Variants in NTM observed in about 807,000 individuals in gnomAD.
The protein encoded by NTM is neurotrimin.
A neutral mutation model predicts 42.1 loss-of-function variants in NTM; 13 were observed. That is an observed-to-expected ratio of 0.31 (90% CI 0.20 to 0.49). The LOEUF is 0.49. Ranked by LOEUF, NTM falls within the 20% of genes least tolerant of loss-of-function variation. NTM has a pLI of 0.99. For synonymous variants in NTM, 187 were observed against 179.2 expected, an observed-to-expected ratio of 1.04 and a Z score of -0.35; for missense variants, 373 against 452.8, an observed-to-expected ratio of 0.82 and a Z score of 1.60.
intron 1 of NTM, among the ~76,000 whole-genome samples, chr11:131,812,574 T>A (rs1239142930): frequency 6.6e-6 from 1 of 152,012 alleles, no homozygotes; most frequent in Non-Finnish European, 1.5e-5. Context: ...CCAAATGAGC[T>A]ACTAGGGATG....
At chr11:131,403,100 T>A (rs1945421271) in intron 1 of NTM, among the ~76,000 whole-genome samples, 1 of 152,172 alleles carries the variant, frequency 6.6e-6, no homozygotes, top group African/African-American at 2.4e-5. Context: ...ATTCTGAGAT[T>A]TTTAGGCCTC....
intron 1 of NTM, among the ~76,000 whole-genome samples, chr11:131,772,336 C>A (rs769915913): frequency 6.6e-6 from 1 of 152,168 alleles, no homozygotes; most frequent in Non-Finnish European, 1.5e-5. Flanking sequence ...GTGGGAGGCA[C>A]CAACAAGCGT....
chr11:131,607,951 C>T lies in NTM; in HGVS notation c.82+237063C>T, dbSNP rs151056423. 1.3e-4 allele frequency among the ~76,000 whole-genome samples: 19 copies of T among 151,984 alleles called. No homozygotes were observed. The East Asian group carries it at 2.3e-3, about 19-fold the overall frequency. On this transcript the variant is annotated intron_variant, in intron 1 of 8. Coordinates refer to ENST00000683400, the MANE Select transcript of NTM (RefSeq NM_001352005.2). ...TAAGTTCTAGGGTACATGTGCACAA[C>T]GTGCAGGTTTGTTACATATGCATAC... is the stretch of plus-strand genomic sequence containing the variant.
At chr11:131,519,964 T>C (rs1479623491) in intron 1 of NTM, among the ~76,000 whole-genome samples, 1 of 151,244 alleles carries the variant, frequency 6.6e-6, no homozygotes, top group Non-Finnish European at 1.5e-5. Flanking sequence ...GAGGTGAACC[T>C]GCTTGTTAGG....
At chr11:132,314,808 C>CAGTGGACATGG in intron 7 of NTM, 105 bp downstream of exon 7, 2 of 1,408,286 alleles carry the variant, frequency 1.4e-6, no homozygotes, top group Non-Finnish European at 1.8e-6. Flanking sequence ...AGCAGGGTAT[C>CAGTGGACATGG]AGTGGACATG....
At chr11:132,037,781 T>C (rs2076687347) in intron 2 of NTM, among the ~76,000 whole-genome samples, 1 of 152,224 alleles carries the variant, frequency 6.6e-6, no homozygotes, top group Admixed American at 6.5e-5. Context: ...TTCTTTTGGA[T>C]GTCTTTGAAA....
chr11:132,235,403 C>T (rs1423323583), intron 4 of NTM, among the ~76,000 whole-genome samples: 1 of 152,090 alleles, frequency 6.6e-6, no homozygotes, highest in Non-Finnish European at 1.5e-5. Flanking sequence ...CTCCAGCCTC[C>T]AGAACGTTCT....
chr11:131,449,110 T>A (rs190182040), intron 1 of NTM, among the ~76,000 whole-genome samples: 46 of 152,328 alleles, frequency 3.0e-4, no homozygotes, highest in Admixed American at 1.6e-3. Context: ...CTCTGGTGCT[T>A]CTGAGCTATA....
At chr11:131,862,286 G>A (rs1325934293) in intron 1 of NTM, among the ~76,000 whole-genome samples, 2 of 152,178 alleles carry the variant, frequency 1.3e-5, no homozygotes, top group African/African-American at 2.4e-5. Flanking sequence ...GTTTGAGCCC[G>A]ACTTAAAGAA....
At chr11:131,603,091 T>A (rs1241189803) in intron 1 of NTM, among the ~76,000 whole-genome samples, 1 of 152,190 alleles carries the variant, frequency 6.6e-6, no homozygotes, top group East Asian at 1.9e-4. Context: ...ACTCCTTTGC[T>A]CGATCCTTTT....
intron 3 of NTM, among the ~76,000 whole-genome samples, chr11:132,189,639 G>GAC (rs1486164770): frequency 6.0e-5 from 7 of 115,756 alleles, no homozygotes; most frequent in Non-Finnish European, 9.0e-5. Flanking sequence ...ATTCACGGCA[G>GAC]ATACACACAC....
chr11:132,275,750 GTATA>G (rs61689140), intron 4 of NTM, among the ~76,000 whole-genome samples: 3 of 119,936 alleles, frequency 2.5e-5, no homozygotes, highest in Admixed American at 7.8e-5. Context: ...ATATATATGT[GTATA>G]TATATATATA....
In NTM at chr11:131,490,565, C is replaced by A. The variant is rs1954670038; in HGVS notation, c.82+119677C>A. On this transcript the variant is annotated intron_variant, in intron 1 of 8. Coordinates refer to ENST00000683400, the MANE Select transcript of NTM (RefSeq NM_001352005.2). ...GGGTGCGCCTCTGAAGTTGAAGCAT[C>A]CAGAAAGGCCTTATCTGCTTATGTT... Among the ~76,000 whole-genome samples, 7 of 152,136 alleles carry A rather than the reference C, an allele frequency of 4.6e-5. 1 individual carries two copies. In the South Asian group the frequency reaches 1.5e-3, roughly 32 times the overall value.
chr11:131,716,625 TTGTC>T (rs1440810968), intron 1 of NTM, among the ~76,000 whole-genome samples: 1 of 152,198 alleles, frequency 6.6e-6, no homozygotes, highest in Non-Finnish European at 1.5e-5. Context: ...CAGCACCTCT[TTGTC>T]TGCTTACTTT....
At chr11:131,669,949 G>A (rs2069819604) in intron 1 of NTM, among the ~76,000 whole-genome samples, 1 of 152,354 alleles carries the variant, frequency 6.6e-6, no homozygotes, top group Non-Finnish European at 1.5e-5. Flanking sequence ...AAGCAAAGAT[G>A]CTGGCACTCT....
rs146678637 is a variant in NTM at position 131,452,636 on chromosome 11, A to AT, written c.82+81752dup. On this transcript the variant is annotated intron_variant, in intron 1 of 8. Coordinates refer to ENST00000683400, the MANE Select transcript of NTM (RefSeq NM_001352005.2). ...AGAGCCACTATCGACATAGACGTGT[A>AT]TTTTAGTCCCTATGAAGACACTGAG... 6.5e-3 allele frequency among the ~76,000 whole-genome samples: 991 copies of AT among 152,284 alleles called. 13 individuals are homozygous for AT. The highest frequency in any genetic ancestry group is 0.023 in the African/African-American group (951 of 41,562).
chr11:131,784,254 ACAATAACATATG>A (rs1002475770), intron 1 of NTM, among the ~76,000 whole-genome samples: 46 of 152,334 alleles, frequency 3.0e-4, no homozygotes, highest in African/African-American at 1.0e-3. Context: ...AATTAACCAT[ACAATAACATATG>A]ACCTAGTAAT....
chr11:131,446,802 G>C (rs908956737), intron 1 of NTM, among the ~76,000 whole-genome samples: 3 of 152,204 alleles, frequency 2.0e-5, no homozygotes, highest in Non-Finnish European at 4.4e-5. Context: ...GACTTATAAT[G>C]CTCAGCATAC....
At chr11:132,290,026 A>G (rs1315440755) in intron 4 of NTM, among the ~76,000 whole-genome samples, 1 of 152,226 alleles carries the variant, frequency 6.6e-6, no homozygotes, top group Non-Finnish European at 1.5e-5. Context: ...AGGAAAATAA[A>G]CAACAGGACA....
Sources: allele counts gnomAD v4.1 joint callset (sites outside exome capture counted in the v4.1 genomes callset), GRCh38; gene constraint gnomAD v4.1.1; transcripts MANE v1.5; gene names NCBI Gene and HGNC (gene_info 2026-07-23, HGNC 2026-07-21).